Variants in DHRS12 observed in about 807,000 individuals in gnomAD.
The protein encoded by DHRS12 is dehydrogenase/reductase 12.
DHRS12 carries 29 observed loss-of-function variants against 32.1 expected under a neutral mutation model. The observed-to-expected ratio is 0.90, with a 90% confidence interval of 0.67 to 1.23. DHRS12 has a LOEUF of 1.23. Among genes scored for constraint, DHRS12 ranks in the 50% most tolerant of loss-of-function variants. DHRS12 has a pLI of 0.00. For missense variants in DHRS12, 330 were observed against 337.2 expected (o/e 0.98, Z 0.17); for synonymous variants, 150 against 135.9 (o/e 1.10, Z -0.72).
the DHRS12 span, chr13:51,755,470 T>C: frequency 1.7e-5 from 27 of 1,609,200 alleles, no homozygotes; most frequent in East Asian, 2.2e-5. Context: ...GTGAGTGATA[T>C]GGATGCTTCA....
downstream of DHRS12, chr13:51,763,448 C>T (rs941155919): frequency 2.0e-5 from 3 of 152,262 alleles, no homozygotes; most frequent in African/African-American, 7.2e-5. Flanking sequence ...CTGCGATTCC[C>T]AGGCTTACAG....
Position 51,791,181 on chromosome 13 carries a change from T to C in DHRS12, c.203A>G (p.His68Arg), listed in dbSNP as rs748619422. 1.9e-6 allele frequency: 3 copies of C among 1,584,588 alleles called. No individual in the cohort carries two copies. Among genetic ancestry groups the C allele is most frequent in the Admixed American group, 3.5e-5 (2 of 56,542 alleles). Residue 68 changes from histidine (H) to arginine (R), a missense_variant, in exon 3 of 9, where the codon CAT becomes CGT. Transcript: ENST00000444610. ...WKFVENFKQE[H>R]KLHVLINNAG... ...AAAGCTCACCAGAACATGGAGTTTA[T>C]GTTCCTGCTTGAAATTTTCAACAAA... is the stretch of plus-strand genomic sequence containing the variant.
chr13:51,801,280 G>A (rs1362239187), intron 1 of DHRS12, among the ~76,000 whole-genome samples: 3 of 152,094 alleles, frequency 2.0e-5, no homozygotes, highest in South Asian at 4.1e-4. Context: ...TCCGCCTCCC[G>A]GGTTCAAGTG....
chr13:51,769,544 C>T (rs902807678), intron 7 of DHRS12, among the ~76,000 whole-genome samples: 1 of 152,092 alleles, frequency 6.6e-6, no homozygotes, highest in Non-Finnish European at 1.5e-5. Context: ...CCCCGGGGCA[C>T]CAGCACCCAG....
intron 2 of DHRS12, among the ~76,000 whole-genome samples, chr13:51,795,318 G>C (rs1190500081): frequency 6.6e-6 from 1 of 152,172 alleles, no homozygotes; most frequent in Non-Finnish European, 1.5e-5. Flanking sequence ...CCACTGAGCA[G>C]GGCCTAAGCA....
chr13:51,776,664 A>G, intron 5 of DHRS12: 1 of 213,974 alleles, frequency 4.7e-6, no homozygotes, highest in South Asian at 7.5e-5. Flanking sequence ...GCTTTCTCCA[A>G]TTTATATTTC....
chr13:51,786,006 A>T lies in DHRS12; in HGVS notation c.301+4005T>A, dbSNP rs76508357. 2.3e-3 allele frequency among the ~76,000 whole-genome samples: 356 copies of T among 152,322 alleles called. 5 individuals carry two copies. In the East Asian group the frequency reaches 0.064, roughly 27 times the overall value. On this transcript the variant is annotated intron_variant, in intron 4 of 8. Transcript: ENST00000444610. ...ACAGGGACTGTGCTCAGTATGTGCT[A>T]TTGTTATGAAAGCATCTCTGGACCT...
chr13:51,771,190 T>G, intron 7 of DHRS12: 3 of 1,549,476 alleles, frequency 1.9e-6, no homozygotes, highest in Non-Finnish European at 2.6e-6. Context: ...AGACCAGTTC[T>G]TGGCGCCGCG....
chr13:51,791,266 G>C lies in DHRS12; in HGVS notation c.127-9C>G. On this transcript the variant is annotated splice_polypyrimidine_tract_variant and intron_variant, in intron 2 of 8. Coordinates refer to ENST00000444610, the MANE Select transcript of DHRS12 (RefSeq NM_001377533.1). Reference sequence around the variant, plus strand: ...ATGTGCAGAAAAATGTTCTAAATTAGAAAGCAAAAAAAAAAAAAACCCTTT... The same window carrying C: ...ATGTGCAGAAAAATGTTCTAAATTACAAAGCAAAAAAAAAAAAAACCCTTT... 23 of 1,106,468 alleles carry C rather than the reference G, an allele frequency of 2.1e-5. No individual in the cohort carries two copies. Among genetic ancestry groups the C allele is most frequent in the East Asian group, 3.2e-5 (1 of 31,424 alleles). The allele number at this position is 1,106,468 out of a possible 1,614,324, so 68.5% of individuals were successfully genotyped here.
intron 7 of DHRS12, 41 bp from the exon 8 acceptor site, chr13:51,769,334 C>A: frequency 1.4e-6 from 2 of 1,399,856 alleles, no homozygotes; most frequent in Non-Finnish European, 1.9e-6. Flanking sequence ...ACAGCATTCT[C>A]CAGCAAATGT....
intron 1 of DHRS12, chr13:51,803,597 A>G (rs1955854505): frequency 2.6e-5 from 4 of 152,884 alleles, no homozygotes; most frequent in Admixed American, 2.0e-4. Flanking sequence ...CAAAGGTCGC[A>G]GTCCAGGTGC....
At chr13:51,755,316 A>C in the DHRS12 span, 1 of 1,596,256 alleles carries the variant, frequency 6.3e-7, no homozygotes, top group Non-Finnish European at 8.6e-7. Flanking sequence ...CATTGTCCTG[A>C]CTGCTGGCCA....
At chr13:51,768,698 T>C (rs997054101) in intron 8 of DHRS12, 1 of 1,126,574 alleles carries the variant, frequency 8.9e-7, no homozygotes, top group Non-Finnish European at 1.1e-6. Context: ...TCGGATGGCG[T>C]CCACTCACAC....
At chr13:51,803,181 T>TCC (rs1399044510) in intron 1 of DHRS12, among the ~76,000 whole-genome samples, 1 of 152,066 alleles carries the variant, frequency 6.6e-6, no homozygotes, top group Non-Finnish European at 1.5e-5. Context: ...AACTCCTACC[T>TCC]CCCCTAGGAG....
At chr13:51,783,747 TCA>T (rs1318569858) in intron 4 of DHRS12, among the ~76,000 whole-genome samples, 1 of 152,204 alleles carries the variant, frequency 6.6e-6, no homozygotes, top group Non-Finnish European at 1.5e-5. Context: ...ATAAATGGAA[TCA>T]CAGTCTGCAC....
the DHRS12 span, chr13:51,756,236 C>T: frequency 4.5e-5 from 68 of 1,501,570 alleles, no homozygotes; most frequent in Non-Finnish European, 5.8e-5. Context: ...CACCTGGATG[C>T]AGTTGATTAC....
chr13:51,790,667 A>G (rs1320671770), intron 3 of DHRS12, among the ~76,000 whole-genome samples: 1 of 152,140 alleles, frequency 6.6e-6, no homozygotes, highest in African/African-American at 2.4e-5. Flanking sequence ...TTCAGAGCAC[A>G]TCAGAAACTC....
chr13:51,771,674 C>A lies in DHRS12; in HGVS notation c.559+147G>T, dbSNP rs567280735. On this transcript the variant is annotated intron_variant, in intron 7 of 8. Coordinates refer to ENST00000444610, the MANE Select transcript of DHRS12 (RefSeq NM_001377533.1). ...AGGCTTCCCCCAGCTGCAGTCCCAA[C>A]GCGCCCCTGCCTAAATGGAAATGAA... The A allele has an allele frequency of 5.3e-6, 7 of 1,325,398 alleles. No individual in the cohort carries two copies. In the African/African-American group the frequency reaches 7.3e-5, roughly 14 times the overall value. 82.1% of individuals were successfully genotyped at this position (1,325,398 alleles called of 1,614,324 possible).
chr13:51,760,975 TTTAAG>T, the DHRS12 span: 2 of 152,256 alleles, frequency 1.3e-5, no homozygotes, highest in Non-Finnish European at 2.9e-5. Flanking sequence ...AATAAGTGTC[TTTAAG>T]TTGTGTTTTT....
Sources: gnomAD v4.1 joint callset for allele counts (sites outside exome capture counted in the v4.1 genomes callset) on GRCh38, gnomAD v4.1.1 for gene constraint, MANE v1.5 for transcripts, NCBI Gene and HGNC (gene_info 2026-07-23, HGNC 2026-07-21) for gene names.